AATF: variants seen among roughly 807,000 people sequenced by gnomAD.
AATF encodes protein AATF.
In AATF, 48 loss-of-function variants were observed where a neutral mutation model predicts 63.7. That is an observed-to-expected ratio of 0.75 (90% CI 0.60 to 0.96). The LOEUF (loss-of-function observed/expected upper bound fraction) is 0.96. Ranked by LOEUF, AATF falls within the 40% of genes least tolerant of loss-of-function variation. The pLI is 0.00. For synonymous variants in AATF, 258 were observed against 247.7 expected (o/e 1.04, Z -0.39); for missense variants, 639 against 685.7 (o/e 0.93, Z 0.76).
rs367664578 is a variant in AATF at position 36,953,042 on chromosome 17, C to T, written c.440C>T (p.Pro147Leu). 2.2e-5 allele frequency: 36 copies of T among 1,613,956 alleles called. No homozygotes were observed. The highest frequency in any genetic ancestry group is 8.9e-5 in the East Asian group (4 of 44,892). Residue 147 changes from proline to leucine, a missense_variant, in exon 3 of 12, where the codon CCG becomes CTG. Transcript: ENST00000619387. ...KKSRSHSAKTPGFSVQSISDF... is the reference protein window; with the variant it reads ...KKSRSHSAKTLGFSVQSISDF... ...AGCAGAAGCCACTCTGCAAAAACACCGGGCTTCAGTGTCCAGAGTATCAGT... is the reference window on the plus strand; with the variant it reads ...AGCAGAAGCCACTCTGCAAAAACACTGGGCTTCAGTGTCCAGAGTATCAGT...
At chr17:37,012,583 G>C (rs2071400434) in intron 8 of AATF, among the ~76,000 whole-genome samples, 1 of 152,168 alleles carries the variant, frequency 6.6e-6, no homozygotes, top group Non-Finnish European at 1.5e-5. Context: ...GTTGCCCCAA[G>C]CTTTTTCCTT....
chr17:37,029,730 T>C (rs2071537997), intron 10 of AATF, among the ~76,000 whole-genome samples: 1 of 150,738 alleles, frequency 6.6e-6, no homozygotes, highest in South Asian at 2.1e-4. Flanking sequence ...CACACCTGGC[T>C]AATTTTTGTA....
At chr17:37,050,975 G>A (rs546642495) in intron 11 of AATF, among the ~76,000 whole-genome samples, 1 of 152,326 alleles carries the variant, frequency 6.6e-6, no homozygotes, top group East Asian at 1.9e-4. Context: ...GGGTCTCACT[G>A]TGTTGCTCAG....
intron 10 of AATF, among the ~76,000 whole-genome samples, chr17:37,029,096 C>T (rs2071532785): frequency 6.6e-6 from 1 of 152,168 alleles, no homozygotes; most frequent in Admixed American, 6.5e-5. Context: ...CACCACTGCA[C>T]TCCAGCCTGA....
chr17:37,056,425 A>G (rs2071798378), intron 11 of AATF, 176 bp from the exon 12 acceptor site: 13 of 622,330 alleles, frequency 2.1e-5, no homozygotes, highest in Non-Finnish European at 3.1e-5. Flanking sequence ...TTACTGTTTG[A>G]TTGGGTTTCT....
chr17:36,977,509 G>T (rs963201454), intron 4 of AATF, among the ~76,000 whole-genome samples: 5 of 151,726 alleles, frequency 3.3e-5, no homozygotes, highest in African/African-American at 1.2e-4. Flanking sequence ...ATATGAAAGA[G>T]TGAGACTTCT....
chr17:36,949,848 T>G (rs2070838970), intron 1 of AATF, among the ~76,000 whole-genome samples: 1 of 152,134 alleles, frequency 6.6e-6, no homozygotes, highest in African/African-American at 2.4e-5. Context: ...TTGAAGAAAC[T>G]CGGGACTGTT....
chr17:36,979,769 A>C (rs1488186921), intron 4 of AATF, among the ~76,000 whole-genome samples: 2 of 152,202 alleles, frequency 1.3e-5, no homozygotes, highest in Non-Finnish European at 2.9e-5. Flanking sequence ...TTATAATCTA[A>C]TTAATGAACT....
chr17:37,016,290 T>A (rs939827957), intron 8 of AATF, among the ~76,000 whole-genome samples: 1 of 152,350 alleles, frequency 6.6e-6, no homozygotes, highest in South Asian at 2.1e-4. Flanking sequence ...CTGCCATTTT[T>A]AACTGTTTCT....
At chr17:37,031,158 T>C (rs1246662953) in intron 10 of AATF, among the ~76,000 whole-genome samples, 1 of 151,786 alleles carries the variant, frequency 6.6e-6, no homozygotes, top group Admixed American at 6.5e-5. Context: ...AACCACAGAT[T>C]GAAAATATTC....
At chr17:37,035,253 C>G (rs2071582448) in intron 11 of AATF, among the ~76,000 whole-genome samples, 1 of 151,636 alleles carries the variant, frequency 6.6e-6, no homozygotes, top group African/African-American at 2.4e-5. Context: ...GAGTTTTGCT[C>G]TGTCACCCAG....
chr17:36,989,631 T>C lies in AATF; in HGVS notation c.1314+220T>C, dbSNP rs145575062. On this transcript the variant is annotated intron_variant, in intron 7 of 11. Coordinates refer to ENST00000619387, the MANE Select transcript of AATF (RefSeq NM_012138.4). ...ACTCCTGTGTGTCATCTTCTCTTAA[T>C]TTTGAGTTTGATGCAGGAGTCTGGT... is the stretch of plus-strand genomic sequence containing the variant. Among the ~76,000 whole-genome samples, 368 of 152,324 alleles carry C rather than the reference T, an allele frequency of 2.4e-3. 1 individual carries two copies. The highest frequency in any genetic ancestry group is 8.2e-3 in the African/African-American group (341 of 41,566).
At chr17:36,959,548 G>T (rs2070929702) in intron 4 of AATF, among the ~76,000 whole-genome samples, 1 of 152,118 alleles carries the variant, frequency 6.6e-6, no homozygotes, top group Non-Finnish European at 1.5e-5. Flanking sequence ...TAAGGCAAAA[G>T]GTCCTAGAGA....
At chr17:37,041,897 A>G (rs1306177161) in intron 11 of AATF, among the ~76,000 whole-genome samples, 2 of 152,244 alleles carry the variant, frequency 1.3e-5, no homozygotes, top group Admixed American at 1.3e-4. Flanking sequence ...TATTGAGGAC[A>G]TATAATATGG....
rs2070828588 is a variant in AATF, at chr17:36,948,985, T to G, written c.-141T>G. On this transcript the variant is annotated 5_prime_UTR_variant, in exon 1 of 12. Coordinates refer to ENST00000619387, the MANE Select transcript of AATF (RefSeq NM_012138.4). ...CCCGGAAGTGGCCGGTCCAGAGCTGTGGGGTGGCCTCCGCGCGGTCTCTGG... is the reference window on the plus strand; with the variant it reads ...CCCGGAAGTGGCCGGTCCAGAGCTGGGGGGTGGCCTCCGCGCGGTCTCTGG... The G allele has an allele frequency of 9.4e-6, 7 of 746,840 alleles. No homozygotes were observed. Among genetic ancestry groups the G allele is most frequent in the South Asian group, 1.7e-5 (1 of 57,610 alleles). The allele number at this position is 746,840 out of a possible 1,614,324, so 46.3% of individuals were successfully genotyped here.
chr17:36,995,669 GCAAT>G (rs906569413), intron 8 of AATF, among the ~76,000 whole-genome samples: 1 of 152,038 alleles, frequency 6.6e-6, no homozygotes, highest in Non-Finnish European at 1.5e-5. Flanking sequence ...CTGGGCTCAA[GCAAT>G]CCTCCCACCT....
intron 9 of AATF, among the ~76,000 whole-genome samples, chr17:37,020,720 A>C (rs2071462465): frequency 6.6e-6 from 1 of 152,162 alleles, no homozygotes; most frequent in Non-Finnish European, 1.5e-5. Context: ...TTGTGAACCA[A>C]ATTTGCTGTA....
intron 10 of AATF, among the ~76,000 whole-genome samples, chr17:37,022,475 G>A (rs558833110): frequency 3.3e-5 from 5 of 152,194 alleles, no homozygotes; most frequent in Non-Finnish European, 7.4e-5. Flanking sequence ...ATCGTCCTTT[G>A]ATTTAGGGTC....
rs147225621 is a variant in AATF, at chr17:37,011,272, G to A, written c.1399-7733G>A. Among the ~76,000 whole-genome samples the A allele has an allele frequency of 5.5e-3, 840 of 152,316 alleles. 12 individuals carry two copies. The highest frequency in any genetic ancestry group is 0.019 in the African/African-American group (808 of 41,572). ...CGCCTGTAATCCCAGCTACTCGGGA[G>A]GCTGAGGCAGGAGAATTGCTTGAAA... On this transcript the variant is annotated intron_variant, in intron 8 of 11. Transcript: ENST00000619387.
Sources: gnomAD v4.1 joint callset for allele counts (sites outside exome capture counted in the v4.1 genomes callset) on GRCh38, gnomAD v4.1.1 for gene constraint, MANE v1.5 for transcripts, NCBI Gene and HGNC (gene_info 2026-07-23, HGNC 2026-07-21) for gene names.